WWOX: variants seen among roughly 807,000 people sequenced by gnomAD.
WWOX encodes the protein WW domain containing oxidoreductase.
WWOX carries 69 observed loss-of-function variants against 46.2 expected under a neutral mutation model. That is an observed-to-expected ratio of 1.49 (90% confidence interval 1.23 to 1.82). The LOEUF (loss-of-function observed/expected upper bound fraction) is 1.82. Among genes scored for constraint, WWOX ranks in the 40% most tolerant of loss-of-function variants. The pLI is 0.00. For missense variants in WWOX, 919 were observed against 542.6 expected, an observed-to-expected ratio of 1.69 and a Z score of -6.89; for synonymous variants, 359 against 202.6, an observed-to-expected ratio of 1.77 and a Z score of -6.56.
At chr16:78,696,702 G>T (rs749903082) in intron 8 of WWOX, among the ~76,000 whole-genome samples, 1 of 151,992 alleles carries the variant, frequency 6.6e-6, no homozygotes, top group Non-Finnish European at 1.5e-5. Context: ...GGTACAGGTG[G>T]TATTTGGTTA....
At chr16:78,444,592 C>T (rs1396091571) in intron 8 of WWOX, among the ~76,000 whole-genome samples, 3 of 146,266 alleles carry the variant, frequency 2.1e-5, no homozygotes, top group East Asian at 2.0e-4. Context: ...TGCAGTGGGG[C>T]GATCTCGGCT....
intron 5 of WWOX, among the ~76,000 whole-genome samples, chr16:78,193,486 G>A (rs2035945130): frequency 4.1e-5 from 1 of 24,578 alleles, no homozygotes; most frequent in Admixed American, 3.1e-4. Flanking sequence ...CAAACCGGTG[G>A]TCTTTTCAGT....
intron 8 of WWOX, among the ~76,000 whole-genome samples, chr16:78,779,223 C>T (rs975139332): frequency 4.6e-5 from 7 of 152,166 alleles, no homozygotes; most frequent in Admixed American, 3.3e-4. Flanking sequence ...TGGCTCAGTA[C>T]AACATCTGCC....
chr16:78,564,483 C>T (rs748729356), intron 8 of WWOX, among the ~76,000 whole-genome samples: 1 of 152,102 alleles, frequency 6.6e-6, no homozygotes, highest in African/African-American at 2.4e-5. Flanking sequence ...ATCTAGTCTC[C>T]CTCACAAGGA....
chr16:79,201,210 C>G (rs2051343052), intron 8 of WWOX, among the ~76,000 whole-genome samples: 1 of 152,156 alleles, frequency 6.6e-6, no homozygotes, highest in Non-Finnish European at 1.5e-5. Context: ...GCAAAAATAC[C>G]TGGATCTATC....
intron 8 of WWOX, among the ~76,000 whole-genome samples, chr16:78,607,075 T>C (rs2045777657): frequency 6.6e-6 from 1 of 152,204 alleles, no homozygotes; most frequent in South Asian, 2.1e-4. Context: ...GCCAAGGGGC[T>C]GTGGAAGAGT....
At chr16:78,887,073 GTGTGGTGT>G (rs2044475091) in intron 8 of WWOX, among the ~76,000 whole-genome samples, 1 of 22,710 alleles carries the variant, frequency 4.4e-5, no homozygotes, top group East Asian at 1.8e-3. Context: ...ATGTGTGTGT[GTGTGGTGT>G]GTGTGTGTGT....
chr16:78,451,231 C>G (rs1468777925), intron 8 of WWOX, among the ~76,000 whole-genome samples: 3 of 152,078 alleles, frequency 2.0e-5, no homozygotes, highest in Non-Finnish European at 2.9e-5. Flanking sequence ...AGGGATGGGT[C>G]CTCATGTTAG....
At chr16:79,153,374 C>T (rs564365932) in intron 8 of WWOX, among the ~76,000 whole-genome samples, 95 of 152,236 alleles carry the variant, frequency 6.2e-4, no homozygotes, top group Non-Finnish European at 1.2e-3. Flanking sequence ...CAAGCAGAGC[C>T]CTCCTCTGCT....
At chr16:78,953,010 G>T (rs986762409) in intron 8 of WWOX, among the ~76,000 whole-genome samples, 4 of 149,958 alleles carry the variant, frequency 2.7e-5, no homozygotes, top group Non-Finnish European at 5.9e-5. Context: ...CTGATTTGTG[G>T]TTATTGCTTC....
At chr16:78,273,025 TTTC>T (rs1450351412) in intron 5 of WWOX, among the ~76,000 whole-genome samples, 1 of 152,216 alleles carries the variant, frequency 6.6e-6, no homozygotes, top group Non-Finnish European at 1.5e-5. Context: ...TGTTTGTTTG[TTTC>T]TTCTTGATAA....
At chr16:78,678,907 C>G (rs1030204900) in intron 8 of WWOX, among the ~76,000 whole-genome samples, 13 of 152,168 alleles carry the variant, frequency 8.5e-5, no homozygotes, top group Admixed American at 5.9e-4. Context: ...GCCACCTACC[C>G]AGGCTGGCAC....
intron 5 of WWOX, among the ~76,000 whole-genome samples, chr16:78,326,350 G>A (rs2080614096): frequency 1.3e-5 from 2 of 152,102 alleles, no homozygotes; most frequent in South Asian, 2.1e-4. Context: ...TGCCAATTTG[G>A]CATATTCTGT....
chr16:78,834,227 T>C (rs1037215083), intron 8 of WWOX, among the ~76,000 whole-genome samples: 8 of 152,202 alleles, frequency 5.3e-5, no homozygotes, highest in Non-Finnish European at 1.2e-4. Context: ...AGGGCCCGTG[T>C]GTTCTGATAG....
intron 8 of WWOX, among the ~76,000 whole-genome samples, chr16:78,938,049 C>G (rs1322963296): frequency 6.6e-6 from 1 of 152,192 alleles, no homozygotes; most frequent in Non-Finnish European, 1.5e-5. Context: ...AGATAGGTCA[C>G]TTTCCCAAGT....
intron 8 of WWOX, among the ~76,000 whole-genome samples, chr16:78,581,758 T>C (rs2045061160): frequency 6.6e-6 from 1 of 152,186 alleles, no homozygotes; most frequent in African/African-American, 2.4e-5. Flanking sequence ...TAACACCAGG[T>C]TCCCTACCTT....
intron 8 of WWOX, among the ~76,000 whole-genome samples, chr16:78,524,395 T>A (rs950630638): frequency 1.6e-5 from 1 of 63,932 alleles, no homozygotes; most frequent in Non-Finnish European, 4.2e-5. Flanking sequence ...TTCATTTATT[T>A]ATTTATTTAT....
intron 8 of WWOX, among the ~76,000 whole-genome samples, chr16:79,130,929 G>C (rs2049865261): frequency 6.6e-6 from 1 of 152,316 alleles, no homozygotes; most frequent in East Asian, 1.9e-4. Context: ...GCCAACCGAA[G>C]AGACCACTGC....
chr16:78,915,414 G>A (rs1349031689), intron 8 of WWOX, among the ~76,000 whole-genome samples: 1 of 152,154 alleles, frequency 6.6e-6, no homozygotes, highest in Non-Finnish European at 1.5e-5. Flanking sequence ...TTACTCTACA[G>A]GGCAATCATA....
Sources: allele counts gnomAD v4.1 joint callset (sites outside exome capture counted in the v4.1 genomes callset), GRCh38; gene constraint gnomAD v4.1.1; transcripts MANE v1.5; gene names NCBI Gene and HGNC (gene_info 2026-07-23, HGNC 2026-07-21).